ZNF124: variants seen among roughly 807,000 people sequenced by gnomAD.
ZNF124 encodes zinc finger protein 124.
Under a neutral mutation model 26.6 loss-of-function variants are expected in ZNF124, and 25 were observed. The ratio of observed to expected loss-of-function variants is 0.94; its 90% confidence interval spans 0.68 to 1.31. The LOEUF (loss-of-function observed/expected upper bound fraction) is 1.31, where lower values mean the gene tolerates loss of function less well. Ranked by LOEUF, ZNF124 falls within the 40% of genes most tolerant of loss-of-function variation. The pLI is 0.00. For synonymous variants in ZNF124, 129 were observed against 133.3 expected (o/e 0.97, Z 0.22); for missense variants, 444 against 422.2 (o/e 1.05, Z -0.45).
rs188326538 is a variant in ZNF124 at position 247,165,359 on chromosome 1, T to C, written c.31-5546A>G. ...GTGCTAGGATTACTGGCTAGCCACA[T>C]GCAGAAGATTGAAACTGGACCCCTT... On this transcript the variant is annotated intron_variant, in intron 1 of 3. Coordinates refer to ENST00000543802, the MANE Select transcript of ZNF124 (RefSeq NM_001297568.2). 2.2e-4 allele frequency among the ~76,000 whole-genome samples: 34 copies of C among 152,296 alleles called. 1 individual carries two copies. Among genetic ancestry groups the C allele is most frequent in the Admixed American group, 1.5e-3 (23 of 15,298 alleles).
Position 247,168,835 on chromosome 1 carries a change from T to C in ZNF124, c.30+3013A>G. ...TTACAAAGGCATAAGAATGATATAA[T>C]GGACCTTGGTGATTTGGGGGCAAGG... On this transcript the variant is annotated intron_variant, in intron 1 of 3. Transcript: ENST00000543802. This position sits in a 1 kb window ranked among gnomAD's most constrained non-coding sequence, Gnocchi z 4.0. 6.6e-6 allele frequency among the ~76,000 whole-genome samples: 1 copy of C among 151,170 alleles called. No individual in the cohort carries two copies. The highest frequency in any genetic ancestry group is 2.0e-4 in the East Asian group (1 of 5,102).
At chr1:247,167,453 G>C (rs1359276618) in intron 1 of ZNF124, among the ~76,000 whole-genome samples, 9 of 152,176 alleles carry the variant, frequency 5.9e-5, no homozygotes, top group Non-Finnish European at 2.9e-5. Context: ...ACACTTTTGT[G>C]TGTGGAAATG....
chr1:247,163,322 G>C (rs1032310227), intron 1 of ZNF124, among the ~76,000 whole-genome samples: 2 of 134,424 alleles, frequency 1.5e-5, no homozygotes, highest in African/African-American at 5.8e-5. Flanking sequence ...AAGAGAGAGA[G>C]AAAAAAAAGC....
chr1:247,157,582 C>G, intron 3 of ZNF124, 179 bp from the exon 4 acceptor site: 1 of 633,640 alleles, frequency 1.6e-6, no homozygotes, highest in Non-Finnish European at 2.8e-6. Flanking sequence ...AATGACAACC[C>G]CATCATTAAT....
chr1:247,125,630 C>G (rs1187074076), intron 3 of ZNF124, among the ~76,000 whole-genome samples: 1 of 146,406 alleles, frequency 6.8e-6, no homozygotes, highest in East Asian at 2.0e-4. Flanking sequence ...CGGGGTTTCA[C>G]CACATTCGCC....
At chr1:247,133,010 T>TA (rs1672406328) in intron 3 of ZNF124, among the ~76,000 whole-genome samples, 1 of 152,146 alleles carries the variant, frequency 6.6e-6, no homozygotes, top group South Asian at 2.1e-4. Context: ...CTCCTCCTGC[T>TA]ACAAAAGGAA....
chr1:247,142,893 A>AT (rs1672664332), intron 3 of ZNF124, among the ~76,000 whole-genome samples: 1 of 151,678 alleles, frequency 6.6e-6, no homozygotes, highest in South Asian at 2.1e-4. Context: ...GGATCATGGA[A>AT]TATTTCATTA....
chr1:247,163,684 A>G (rs1673621521), intron 1 of ZNF124, among the ~76,000 whole-genome samples: 1 of 152,192 alleles, frequency 6.6e-6, no homozygotes, highest in Non-Finnish European at 1.5e-5. Flanking sequence ...AGATGGTTTC[A>G]CAGCTAAATT....
intron 3 of ZNF124, among the ~76,000 whole-genome samples, chr1:247,127,608 G>C (rs1672239138): frequency 1.4e-5 from 2 of 145,902 alleles, no homozygotes; most frequent in South Asian, 4.3e-4. Flanking sequence ...GACCGGTTGT[G>C]TTATCTATAG....
intron 3 of ZNF124, chr1:247,138,861 G>A (rs1330591591): frequency 4.0e-5 from 16 of 397,006 alleles, no homozygotes. Flanking sequence ...AACTGCTTAG[G>A]GCAAACCTGC....
At chr1:247,152,017 G>A (rs1317013075), downstream of ZNF124, among the ~76,000 whole-genome samples, 4 of 150,554 alleles carry the variant, frequency 2.7e-5, no homozygotes, top group Non-Finnish European at 1.5e-5. Context: ...GTGGTATCTG[G>A]TGGTATCTTT....
chr1:247,159,935 G>A, intron 1 of ZNF124, 122 bp from the exon 2 acceptor site: 1 of 961,960 alleles, frequency 1.0e-6, no homozygotes, highest in Admixed American at 3.2e-5. Context: ...TTGGTCACTA[G>A]AACTATGACT....
chr1:247,142,095 A>G (rs574759972), intron 3 of ZNF124, among the ~76,000 whole-genome samples: 1 of 152,164 alleles, frequency 6.6e-6, no homozygotes, highest in East Asian at 1.9e-4. Context: ...CTTCTGGGAG[A>G]AAGATAGGAC....
In ZNF124 at chr1:247,156,971, G is replaced by T; in HGVS notation, c.651C>A (p.Tyr217Ter). 1 of 1,611,400 alleles carries T rather than the reference G, an allele frequency of 6.2e-7. No homozygotes were observed. Among genetic ancestry groups the T allele is most frequent in the Non-Finnish European group, 8.5e-7 (1 of 1,179,090 alleles). Residue 217 changes from tyrosine to a stop codon, truncating the protein, a stop_gained, in exon 4 of 4, where the codon TAC becomes TAA. Coordinates refer to ENST00000543802, the MANE Select transcript of ZNF124 (RefSeq NM_001297568.2). LOFTEE classifies it high-confidence loss of function. The part of the protein sequence containing the change: ...ECKHCGKAFR[Y>*]SNCLHYHERT... ...TTTCATGGTAATGAAGGCAATTGGA[G>T]TAACGGAAGGCTTTCCCACAGTGCT...
chr1:247,154,331 C>G (rs61837909), downstream of ZNF124, among the ~76,000 whole-genome samples: 7,305 of 152,222 alleles, frequency 0.048, 282 homozygotes, highest in South Asian at 0.19. Flanking sequence ...TGTACTTCTC[C>G]TTCCTGCCAC....
downstream of ZNF124, among the ~76,000 whole-genome samples, chr1:247,151,433 C>A (rs1187457809): frequency 6.7e-6 from 1 of 149,328 alleles, no homozygotes; most frequent in Non-Finnish European, 1.5e-5. Context: ...GAGCCGAGAT[C>A]GCGCCACTGC....
intron 3 of ZNF124, among the ~76,000 whole-genome samples, chr1:247,130,644 T>G (rs1390031299): frequency 6.6e-6 from 1 of 152,250 alleles, no homozygotes; most frequent in African/African-American, 2.4e-5. Flanking sequence ...ACTTGTTTAT[T>G]GTATGAAAGG....
In ZNF124 at chr1:247,155,627, T is replaced by C. The variant is rs7551232; in HGVS notation, c.*939A>G. Among the ~76,000 whole-genome samples, 17,416 of 152,040 alleles carry C rather than the reference T, an allele frequency of 0.11. 1,279 individuals carry two copies. The highest frequency in any genetic ancestry group is 0.18 in the African/African-American group (7,623 of 41,496). On this transcript the variant is annotated 3_prime_UTR_variant, in exon 4 of 4. Coordinates refer to ENST00000543802, the MANE Select transcript of ZNF124 (RefSeq NM_001297568.2). The stretch of plus-strand genomic sequence containing the variant: ...CTGTAATCCCAGCACTTTGGGAGGC[T>C]GAAGCGGGCGGATCACGAGGTCAGG...
intron 3 of ZNF124, among the ~76,000 whole-genome samples, chr1:247,127,837 T>C (rs1392161449): frequency 1.3e-5 from 2 of 148,944 alleles, no homozygotes; most frequent in African/African-American, 4.9e-5. Context: ...TTGCCAAAGC[T>C]TCCGGCAGAA....
Sources: gnomAD v4.1 joint callset for allele counts (sites outside exome capture counted in the v4.1 genomes callset) on GRCh38, gnomAD v4.1.1 for gene constraint, Gnocchi (gnomAD v3.1) non-coding constraint, MANE v1.5 for transcripts, NCBI Gene and HGNC (gene_info 2026-07-23, HGNC 2026-07-21) for gene names.